Variants in PGK1 observed in about 807,000 individuals in gnomAD.
The protein encoded by PGK1 is PRP 2.
Under a neutral mutation model 26.9 loss-of-function variants are expected in PGK1, and 3 were observed. That is an observed-to-expected ratio of 0.11 (90% confidence interval 0.05 to 0.29). The LOEUF (loss-of-function observed/expected upper bound fraction) is 0.29. Ranked by LOEUF, PGK1 falls within the 10% of genes least tolerant of loss-of-function variation. The pLI, the probability that PGK1 is intolerant of heterozygous loss-of-function variation, is 1.00. For synonymous variants in PGK1, 125 were observed against 115.3 expected (o/e 1.08, Z -0.54); for missense variants, 270 against 314.7 (o/e 0.86, Z 1.07).
At chrX:78,105,983 C>T (rs1169588157) in intron 1 of PGK1, among the ~76,000 whole-genome samples, 1 of 112,135 alleles carries the variant, frequency 8.9e-6, no homozygotes, top group Non-Finnish European at 1.9e-5. Context: ...GCTGATTCTT[C>T]CAGATGCATG....
chrX:78,114,220 G>A (rs2078315590), intron 4 of PGK1, 60 bp downstream of exon 4: 5 of 1,076,274 alleles, frequency 4.6e-6, no homozygotes, highest in Non-Finnish European at 5.2e-6. Flanking sequence ...AGAGACTGTG[G>A]TTGAAGAATA....
chrX:78,110,050 A>C, intron 2 of PGK1, 133 bp downstream of exon 2: 1 of 515,059 alleles, frequency 1.9e-6, no homozygotes. Flanking sequence ...CTATCAACCC[A>C]CTCTCTGATC....
intron 6 of PGK1, among the ~76,000 whole-genome samples, chrX:78,121,695 G>T (rs1258492900): frequency 2.7e-5 from 3 of 112,367 alleles, no homozygotes; most frequent in Non-Finnish European, 1.9e-5. Context: ...TTTCTCTTTA[G>T]TTTGGATCTT....
In PGK1 at chrX:78,104,337, C is replaced by T. The variant is rs782123518; in HGVS notation, c.-4C>T. Reference sequence around the variant, plus strand: ...CGACCTCTCTCCCCAGCTGTATTTCCAAAATGTCGCTTTCTAACAAGCTGA... The same window carrying T: ...CGACCTCTCTCCCCAGCTGTATTTCTAAAATGTCGCTTTCTAACAAGCTGA... On this transcript the variant is annotated 5_prime_UTR_variant, in exon 1 of 11. Transcript: ENST00000373316. The T allele has an allele frequency of 1.0e-5, 12 of 1,198,615 alleles. No homozygotes were observed. Among genetic ancestry groups the T allele is most frequent in the South Asian group, 1.8e-5 (1 of 56,382 alleles).
intron 6 of PGK1, among the ~76,000 whole-genome samples, chrX:78,121,347 A>G (rs781889164): frequency 8.9e-6 from 1 of 112,395 alleles, no homozygotes; most frequent in African/African-American, 3.2e-5. Flanking sequence ...GCTGTAAGCT[A>G]TTCTTTAGAA....
intron 4 of PGK1, among the ~76,000 whole-genome samples, chrX:78,114,650 G>T (rs1411721753): frequency 2.7e-5 from 3 of 111,360 alleles, no homozygotes; most frequent in Non-Finnish European, 5.7e-5. Context: ...GGTGCTGTTG[G>T]TCTTTAGAGC....
At chrX:78,125,284 T>TC (rs2078377149) in intron 9 of PGK1, 43 bp from the exon 10 acceptor site, 1 of 1,041,400 alleles carries the variant, frequency 9.6e-7, no homozygotes, top group Non-Finnish European at 1.3e-6. Context: ...CCCTTTTTTT[T>TC]CTTTTCTCTC....
chrX:78,119,704 G>A (rs952623195), intron 6 of PGK1, among the ~76,000 whole-genome samples: 13 of 111,655 alleles, frequency 1.2e-4, no homozygotes, highest in African/African-American at 4.2e-4. Flanking sequence ...ACCCTCGCTC[G>A]CCTCTCTCTT....
At chrX:78,111,511 G>T (rs1347071956) in intron 2 of PGK1, among the ~76,000 whole-genome samples, 3 of 105,011 alleles carry the variant, frequency 2.9e-5, no homozygotes, top group African/African-American at 1.1e-4. Context: ...AACTTTTTTG[G>T]TACTAAGTCT....
chrX:78,107,962 GAA>G (rs146163611), intron 1 of PGK1, among the ~76,000 whole-genome samples: 69 of 74,776 alleles, frequency 9.2e-4, no homozygotes, highest in African/African-American at 3.1e-3. Flanking sequence ...ATAAGGAAAC[GAA>G]AAAAAAAAAA....
At chrX:78,117,595 A>T (rs1557247583) in intron 5 of PGK1, among the ~76,000 whole-genome samples, 180 bp downstream of exon 5, 1 of 112,810 alleles carries the variant, frequency 8.9e-6, no homozygotes. Flanking sequence ...AAATAAAGGT[A>T]AAAAAATGTT....
intron 8 of PGK1, 29 bp from the exon 9 acceptor site, chrX:78,124,845 T>C (rs782248660): frequency 2.5e-6 from 3 of 1,179,796 alleles, no homozygotes; most frequent in African/African-American, 1.8e-5. Context: ...TCTTGATAGC[T>C]CATCTTCTCT....
chrX:78,105,506 C>T (rs782265144), intron 1 of PGK1, among the ~76,000 whole-genome samples: 102 of 111,573 alleles, frequency 9.1e-4, no homozygotes, highest in African/African-American at 3.1e-3. Flanking sequence ...AATCTAGCCC[C>T]TTTTCCAATT....
At chrX:78,105,183 C>T (rs1238862298) in intron 1 of PGK1, among the ~76,000 whole-genome samples, 1 of 112,400 alleles carries the variant, frequency 8.9e-6, no homozygotes, top group East Asian at 2.8e-4. Flanking sequence ...CACTTTGGGT[C>T]TCTTACTCTG....
intron 2 of PGK1, among the ~76,000 whole-genome samples, chrX:78,111,532 G>C (rs2078301276): frequency 1.3e-5 from 1 of 76,492 alleles, no homozygotes; most frequent in South Asian, 5.5e-4. Context: ...TCAAGATCTG[G>C]CATGTGTTTT....
chrX:78,105,969 C>T (rs1422959913), intron 1 of PGK1, among the ~76,000 whole-genome samples: 1 of 111,919 alleles, frequency 8.9e-6, no homozygotes, highest in African/African-American at 3.3e-5. Flanking sequence ...CCCCTGTGTT[C>T]GACGCTGATT....
rs1390691165 is a variant in PGK1 at position 78,114,041 on chromosome X, G to A, written c.298G>A (p.Val100Ile). 7.4e-6 allele frequency: 9 copies of A among 1,208,972 alleles called. No homozygotes were observed. Among genetic ancestry groups the A allele is most frequent in the Non-Finnish European group, 1.0e-5 (9 of 894,612 alleles). Reference sequence around the variant, plus strand: ...GGATGTTCTGTTCTTGAAGGACTGTGTAGGCCCAGAAGTGGAGAAAGCCTG... The same window carrying A: ...GGATGTTCTGTTCTTGAAGGACTGTATAGGCCCAGAAGTGGAGAAAGCCTG... ...GKDVLFLKDC[V>I]GPEVEKACAN... The change falls in exon 4 of 11, where the codon GTA becomes ATA. Residue 100 changes from valine (V) to isoleucine (I), a missense_variant. Val to Ile is a conservative substitution (Grantham distance 29). Around this residue, in one of 3 missense-constraint regions of PGK1, gnomAD observed 150 missense variants for 154.6 expected, o/e 0.97. Coordinates refer to ENST00000373316, the MANE Select transcript of PGK1 (RefSeq NM_000291.4).
intron 1 of PGK1, among the ~76,000 whole-genome samples, chrX:78,104,898 A>C (rs1298131750): frequency 1.8e-5 from 2 of 111,144 alleles, no homozygotes; most frequent in African/African-American, 6.5e-5. Flanking sequence ...ATTTAACTTC[A>C]GGAGTAGACC....
intron 2 of PGK1, among the ~76,000 whole-genome samples, chrX:78,111,139 C>T (rs1475775564): frequency 9.3e-6 from 1 of 107,814 alleles, no homozygotes; most frequent in Non-Finnish European, 1.9e-5. Flanking sequence ...GGCTGGAGTG[C>T]AGTGGCACGA....
Sources: gnomAD v4.1 joint callset for allele counts (sites outside exome capture counted in the v4.1 genomes callset) on GRCh38, gnomAD v4.1.1 for gene constraint, gnomAD v4.1.1 regional missense constraint, MANE v1.5 for transcripts, NCBI Gene and HGNC (gene_info 2026-07-23, HGNC 2026-07-21) for gene names.